Variants in TPO observed in about 807,000 individuals in gnomAD.
TPO encodes the protein thyroid peroxidase.
In TPO, 78 loss-of-function variants were observed where a neutral mutation model predicts 96.9. That is an observed-to-expected ratio of 0.81 (90% CI 0.67 to 0.97). The LOEUF (loss-of-function observed/expected upper bound fraction) is 0.97. Among genes scored for constraint, TPO ranks in the 50% least tolerant of loss-of-function variants. The pLI, the probability that TPO is intolerant of heterozygous loss-of-function variation, is 0.00. For missense variants in TPO, 1,252 were observed against 1,274.8 expected (o/e 0.98, Z 0.27); for synonymous variants, 547 against 538.0 (o/e 1.02, Z -0.23).
At chr2:1,377,000 T>C (rs1661732778) in intron 1 of TPO, among the ~76,000 whole-genome samples, 1 of 152,200 alleles carries the variant, frequency 6.6e-6, no homozygotes, top group South Asian at 2.1e-4. Context: ...ATAGATAATA[T>C]GGAATTTGGC....
intron 7 of TPO, among the ~76,000 whole-genome samples, chr2:1,472,596 C>G (rs1020409899): frequency 6.6e-6 from 1 of 151,998 alleles, no homozygotes; most frequent in African/African-American, 2.4e-5. Context: ...TTCCACACTC[C>G]GGGTCACAGC....
At position 1,512,492 on chromosome 2, in the gene TPO, G is replaced by C. The variant is rs1674257809; in HGVS notation, c.2519-4391G>C. The C allele has an allele frequency of 7.1e-6, 7 of 985,206 alleles. No individual in the cohort carries two copies. In the South Asian group the frequency reaches 3.3e-4, roughly 46 times the overall value. 61.0% of individuals were successfully genotyped at this position (985,206 alleles called of 1,614,324 possible). On this transcript the variant is annotated intron_variant, in intron 14 of 16. Transcript: ENST00000329066. ...GCGCTCCGCGCTGCCTTCTGGTTCT[G>C]TGTGATGGATGTGATGCTTGCATGG...
At chr2:1,471,701 A>C (rs1669432910) in intron 7 of TPO, among the ~76,000 whole-genome samples, 1 of 152,050 alleles carries the variant, frequency 6.6e-6, no homozygotes, top group South Asian at 2.1e-4. Flanking sequence ...TTGACTCCCA[A>C]ATGTTGATAT....
intron 3 of TPO, among the ~76,000 whole-genome samples, chr2:1,431,002 C>T (rs1315138327): frequency 6.6e-6 from 1 of 152,030 alleles, no homozygotes; most frequent in African/African-American, 2.4e-5. Context: ...GGGACTGTTG[C>T]GAATGCGCAA....
At chr2:1,472,446 G>C (rs570561657) in intron 7 of TPO, among the ~76,000 whole-genome samples, 1 of 152,150 alleles carries the variant, frequency 6.6e-6, no homozygotes, top group African/African-American at 2.4e-5. Context: ...TCATGCACAA[G>C]CATATTCTCT....
At chr2:1,494,866 C>T (rs1422129990) in intron 11 of TPO, among the ~76,000 whole-genome samples, 3 of 152,198 alleles carry the variant, frequency 2.0e-5, no homozygotes, top group African/African-American at 7.2e-5. Flanking sequence ...GGCTCCTGTC[C>T]TTTCCCCAGT....
chr2:1,517,476 C>T (rs1331017196), intron 15 of TPO, among the ~76,000 whole-genome samples: 1 of 152,172 alleles, frequency 6.6e-6, no homozygotes, highest in Non-Finnish European at 1.5e-5. Context: ...AGAGTGCTCT[C>T]TGCAGAAAGA....
intron 1 of TPO, among the ~76,000 whole-genome samples, chr2:1,384,633 A>G (rs918777608): frequency 7.3e-5 from 11 of 151,718 alleles, no homozygotes; most frequent in East Asian, 1.9e-4. Context: ...GGGTTTTCTA[A>G]ATATACAATC....
chr2:1,385,398 G>T (rs2148349546), intron 1 of TPO, among the ~76,000 whole-genome samples: 1 of 152,238 alleles, frequency 6.6e-6, no homozygotes, highest in Non-Finnish European at 1.5e-5. Flanking sequence ...CCTGTTATTG[G>T]TCTATTAAGA....
At position 1,496,054 on chromosome 2, in the gene TPO, T is replaced by A; in HGVS notation, c.2072T>A (p.Leu691Gln). The A allele has an allele frequency of 1.2e-6, 2 of 1,613,960 alleles. No individual in the cohort carries two copies. Among genetic ancestry groups the A allele is most frequent in the Non-Finnish European group, 1.7e-6 (2 of 1,180,030 alleles). ...AQRRELEKHS[L>Q]SRVICDNTGL... ...AGGCGTGAGCTGGAGAAGCACTCCC[T>A]GTCTCGGGTCATCTGTGACAACACT... The change falls in exon 12 of 17, where the codon CTG becomes CAG. Residue 691 changes from leucine to glutamine, a missense_variant. Transcript: ENST00000329066.
At chr2:1,493,209 T>TC (rs1553321276) in intron 10 of TPO, among the ~76,000 whole-genome samples, 2 of 17,494 alleles carry the variant, frequency 1.1e-4, no homozygotes, top group East Asian at 2.8e-3. Flanking sequence ...TGTGAGTGGG[T>TC]GGGGGGGGGG....
intron 8 of TPO, among the ~76,000 whole-genome samples, chr2:1,481,460 A>G (rs956967184): frequency 1.3e-5 from 2 of 152,118 alleles, no homozygotes; most frequent in African/African-American, 4.8e-5. Flanking sequence ...TTTCTGGAGC[A>G]CAGCCTTGAT....
chr2:1,401,925 G>A (rs1662178587), intron 1 of TPO, among the ~76,000 whole-genome samples: 1 of 152,190 alleles, frequency 6.6e-6, no homozygotes, highest in Non-Finnish European at 1.5e-5. Context: ...AGTGCCGCGA[G>A]CCAGCCATTT....
intron 1 of TPO, among the ~76,000 whole-genome samples, chr2:1,376,230 C>T (rs564937409): frequency 1.2e-4 from 18 of 152,322 alleles, no homozygotes; most frequent in Admixed American, 9.8e-4. Context: ...GCAAATGTCT[C>T]GCTCTGAAAC....
intron 1 of TPO, among the ~76,000 whole-genome samples, chr2:1,414,125 G>A (rs1573076245): frequency 1.3e-5 from 2 of 152,158 alleles, no homozygotes; most frequent in South Asian, 2.1e-4. Flanking sequence ...ATTTAAATAG[G>A]TTATTACTGA....
intron 8 of TPO, among the ~76,000 whole-genome samples, chr2:1,479,011 A>AGAAAT (rs1205682753): frequency 6.5e-4 from 99 of 152,400 alleles, no homozygotes; most frequent in African/African-American, 2.3e-3. Context: ...AGATCGAGTT[A>AGAAAT]GAAATGAAAA....
intron 5 of TPO, among the ~76,000 whole-genome samples, chr2:1,453,465 G>A (rs768977293): frequency 5.3e-5 from 8 of 152,174 alleles, no homozygotes; most frequent in Non-Finnish European, 1.2e-4. Flanking sequence ...CATGTGCTGA[G>A]CTCGGGAGAG....
intron 7 of TPO, among the ~76,000 whole-genome samples, chr2:1,470,622 T>G (rs1669310826): frequency 6.6e-6 from 1 of 151,982 alleles, no homozygotes; most frequent in Non-Finnish European, 1.5e-5. Flanking sequence ...GACTCTATTT[T>G]GTGTAGATAA....
intron 6 of TPO, 27 bp downstream of exon 6, chr2:1,453,850 G>A: frequency 1.2e-6 from 2 of 1,613,436 alleles, no homozygotes; most frequent in Non-Finnish European, 1.7e-6. Flanking sequence ...CTACTATCCT[G>A]GACTAAGATT....
Sources: gnomAD v4.1 joint callset for allele counts (sites outside exome capture counted in the v4.1 genomes callset) on GRCh38, gnomAD v4.1.1 for gene constraint, MANE v1.5 for transcripts, NCBI Gene and HGNC (gene_info 2026-07-23, HGNC 2026-07-21) for gene names.